MYCT1: variants seen among roughly 807,000 people sequenced by gnomAD.
MYCT1 encodes the protein myc target protein 1.
Under a neutral mutation model 15.0 loss-of-function variants are expected in MYCT1, and 12 were observed. The observed-to-expected ratio is 0.80, with a 90% CI of 0.51 to 1.29. MYCT1 has a LOEUF of 1.29. MYCT1 is among the 50% of genes most tolerant of loss of function. The pLI is 0.00. For synonymous variants in MYCT1, 104 were observed against 102.7 expected, an observed-to-expected ratio of 1.01 and a Z score of -0.07; for missense variants, 287 against 279.1, an observed-to-expected ratio of 1.03 and a Z score of -0.20.
At chr6:152,704,729 T>C (rs1236419940) in intron 1 of MYCT1, among the ~76,000 whole-genome samples, 1 of 152,204 alleles carries the variant, frequency 6.6e-6, no homozygotes, top group East Asian at 1.9e-4. Flanking sequence ...TATTGAGGTA[T>C]AATTGGCAAA....
the MYCT1 span, among the ~76,000 whole-genome samples, chr6:152,744,916 G>A: frequency 2.0e-5 from 3 of 152,166 alleles, no homozygotes; most frequent in Non-Finnish European, 4.4e-5. Context: ...GGTCCTCTAG[G>A]GCTGAGGCAA....
the MYCT1 span, among the ~76,000 whole-genome samples, chr6:152,740,302 A>C: frequency 6.6e-6 from 1 of 152,112 alleles, no homozygotes; most frequent in South Asian, 2.1e-4. Flanking sequence ...GGCCCACCTC[A>C]GCCTCCCAAA....
At chr6:152,732,456 T>A in the MYCT1 span, among the ~76,000 whole-genome samples, 1 of 102,232 alleles carries the variant, frequency 9.8e-6, no homozygotes, top group Non-Finnish European at 2.6e-5. Flanking sequence ...GAGAAAAGTC[T>A]CTGATTCAAA....
the MYCT1 span, among the ~76,000 whole-genome samples, chr6:152,743,082 ATCTCTC>A: frequency 6.6e-6 from 1 of 151,856 alleles, no homozygotes; most frequent in Non-Finnish European, 1.5e-5. Context: ...TTTTGACAGA[ATCTCTC>A]TCTGTCACCC....
downstream of MYCT1, among the ~76,000 whole-genome samples, chr6:152,726,107 A>AT (rs1555096943): frequency 3.3e-5 from 3 of 91,182 alleles, no homozygotes; most frequent in African/African-American, 8.6e-5. Context: ...CAGTTCAAAG[A>AT]AAGTGATGGC....
the MYCT1 span, among the ~76,000 whole-genome samples, chr6:152,740,326 A>G: frequency 2.0e-5 from 3 of 152,158 alleles, no homozygotes; most frequent in African/African-American, 4.8e-5. Context: ...CTGGGACTAT[A>G]GGCGTGAGCC....
chr6:152,715,869 G>A (rs1247484325), intron 1 of MYCT1, among the ~76,000 whole-genome samples: 2 of 152,158 alleles, frequency 1.3e-5, no homozygotes, highest in African/African-American at 2.4e-5. Flanking sequence ...GTGACCCAAA[G>A]GAAGAGTAGA....
intron 1 of MYCT1, among the ~76,000 whole-genome samples, chr6:152,714,837 A>G (rs2099723359): frequency 6.6e-6 from 1 of 151,740 alleles, no homozygotes; most frequent in Non-Finnish European, 1.5e-5. Flanking sequence ...TTATTTAAGT[A>G]TATAACTTTC....
downstream of MYCT1, among the ~76,000 whole-genome samples, chr6:152,726,340 T>C (rs921051644): frequency 4.1e-5 from 6 of 147,152 alleles, no homozygotes; most frequent in African/African-American, 1.5e-4. Context: ...AAGGTTACAG[T>C]GAGCCGAGAT....
chr6:152,700,183 T>C (rs1471452787), intron 1 of MYCT1, among the ~76,000 whole-genome samples: 2 of 152,178 alleles, frequency 1.3e-5, no homozygotes, highest in Non-Finnish European at 2.9e-5. Flanking sequence ...TAAATTTCCA[T>C]TGCTTTTGTG....
the MYCT1 span, among the ~76,000 whole-genome samples, chr6:152,733,044 T>C: frequency 3.3e-5 from 5 of 151,834 alleles, no homozygotes; most frequent in African/African-American, 7.2e-5. Flanking sequence ...TTTTTGTGTG[T>C]TTGGTTTTGT....
intron 1 of MYCT1, among the ~76,000 whole-genome samples, chr6:152,719,203 G>A (rs1474119014): frequency 6.6e-6 from 1 of 152,100 alleles, no homozygotes; most frequent in Admixed American, 6.5e-5. Flanking sequence ...ATTGATTCAT[G>A]GAAATATATC....
chr6:152,717,014 G>T (rs1177300989), intron 1 of MYCT1, among the ~76,000 whole-genome samples: 1 of 151,710 alleles, frequency 6.6e-6, no homozygotes, highest in African/African-American at 2.4e-5. Context: ...TCTACACTAG[G>T]TTTTAAAAAA....
the MYCT1 span, among the ~76,000 whole-genome samples, chr6:152,744,345 T>G: frequency 9.9e-3 from 1,507 of 152,246 alleles, 33 homozygotes; most frequent in African/African-American, 0.034. Context: ...ACCAAAAATT[T>G]TAAAACATGC....
chr6:152,726,782 T>C (rs1048489082), downstream of MYCT1, among the ~76,000 whole-genome samples: 2 of 152,180 alleles, frequency 1.3e-5, no homozygotes, highest in African/African-American at 2.4e-5. Flanking sequence ...AGCCTGGCAA[T>C]CAGGTCACTG....
downstream of MYCT1, among the ~76,000 whole-genome samples, chr6:152,729,526 A>C (rs1008769979): frequency 2.0e-5 from 3 of 152,214 alleles, no homozygotes; most frequent in Admixed American, 6.5e-5. Context: ...AGCTTGCTGA[A>C]TGTCTTATCA....
At chr6:152,741,475 C>G in the MYCT1 span, among the ~76,000 whole-genome samples, 2,647 of 152,038 alleles carry the variant, frequency 0.017, 67 homozygotes, top group African/African-American at 0.06. Flanking sequence ...TTATAATGTA[C>G]CAGGTATTGG....
At chr6:152,708,855 T>TCACTACTATAC (rs1379416701) in intron 1 of MYCT1, among the ~76,000 whole-genome samples, 5 of 70,054 alleles carry the variant, frequency 7.1e-5, no homozygotes, top group South Asian at 9.8e-4. Context: ...AGTATTTATT[T>TCACTACTATAC]TTTTATTTTT....
rs955779211 is a variant in MYCT1, at chr6:152,724,228, G to C, written c.*1975G>C. 2.1e-5 allele frequency: 3 copies of C among 146,234 alleles called. No homozygotes were observed. The highest frequency in any genetic ancestry group is 4.5e-5 in the Non-Finnish European group (3 of 66,712). The allele number at this position is 146,234 out of a possible 1,614,324, so 9.1% of individuals were successfully genotyped here. On this transcript the variant is annotated 3_prime_UTR_variant, in exon 2 of 2. Transcript: ENST00000367245. The stretch of plus-strand genomic sequence containing the variant: ...CAAGGGAATATTAACTTGGTATCAG[G>C]GCTACTTTTTTTTTTTTTTTTTTAC...
Sources: gnomAD v4.1 joint callset for allele counts (sites outside exome capture counted in the v4.1 genomes callset) on GRCh38, gnomAD v4.1.1 for gene constraint, MANE v1.5 for transcripts, NCBI Gene and HGNC (gene_info 2026-07-23, HGNC 2026-07-21) for gene names.